The following HIVEP1 variants were observed in gnomAD, a reference collection of about 807,000 sequenced individuals.
HIVEP1 encodes the protein zinc finger protein 40.
In HIVEP1, 36 loss-of-function variants were observed where a neutral mutation model predicts 180.0. The ratio of observed to expected loss-of-function variants is 0.20; its 90% CI spans 0.15 to 0.26. The LOEUF (loss-of-function observed/expected upper bound fraction) is 0.26, where lower values mean the gene tolerates loss of function less well. Ranked by LOEUF, HIVEP1 falls within the 10% of genes least tolerant of loss-of-function variation. The pLI is 1.00. For synonymous variants in HIVEP1, 1,239 were observed against 1,239.0 expected (o/e 1.00, Z 0.00); for missense variants, 3,143 against 3,268.7 (o/e 0.96, Z 0.94).
At chr6:12,197,464 C>CAGG in the HIVEP1 span, among the ~76,000 whole-genome samples, 1 of 147,372 alleles carries the variant, frequency 6.8e-6, no homozygotes, top group South Asian at 2.1e-4. Context: ...GAGGCTGAGA[C>CAGG]AGGAGAATCA....
the HIVEP1 span, among the ~76,000 whole-genome samples, chr6:12,210,102 TA>T: frequency 1.0e-3 from 147 of 143,006 alleles, no homozygotes; most frequent in Non-Finnish European, 8.2e-4. Context: ...GACTCTGTCT[TA>T]AAAAAAAAAA....
At chr6:12,107,403 G>A (rs1390519302) in intron 3 of HIVEP1, among the ~76,000 whole-genome samples, 1 of 152,216 alleles carries the variant, frequency 6.6e-6, no homozygotes, top group Non-Finnish European at 1.5e-5. Context: ...AGAGGGTCTT[G>A]CCTCGATGCA....
the HIVEP1 span, among the ~76,000 whole-genome samples, chr6:12,210,679 G>T: frequency 1.3e-5 from 2 of 152,138 alleles, no homozygotes; most frequent in Non-Finnish European, 2.9e-5. Context: ...TAATTTGAAG[G>T]GGGGAAATGA....
intron 7 of HIVEP1, among the ~76,000 whole-genome samples, chr6:12,156,259 C>A (rs978602790): frequency 2.8e-4 from 42 of 151,972 alleles, no homozygotes; most frequent in African/African-American, 9.7e-4. Flanking sequence ...TTAATTAGAC[C>A]CCATTTGTCA....
intron 7 of HIVEP1, among the ~76,000 whole-genome samples, chr6:12,142,044 T>C (rs1434723736): frequency 6.6e-6 from 1 of 152,178 alleles, no homozygotes; most frequent in Admixed American, 6.5e-5. Flanking sequence ...CTAAGAGACA[T>C]CTACAGAACT....
At position 12,092,327 on chromosome 6, in the gene HIVEP1, A is replaced by G. The variant is rs184671477; in HGVS notation, c.94+3090A>G. ...GAACTTTTAAATGAAACCATATTGTACGTAGTCTTCTGCAGCTTTTTTCAC... is the reference window on the plus strand; with the variant it reads ...GAACTTTTAAATGAAACCATATTGTGCGTAGTCTTCTGCAGCTTTTTTCAC... On this transcript the variant is annotated intron_variant, in intron 3 of 8. Transcript: ENST00000379388. Among the ~76,000 whole-genome samples the G allele has an allele frequency of 5.3e-5, 8 of 152,320 alleles. No individual in the cohort carries two copies. The East Asian group carries it at 1.5e-3, about 29-fold the overall frequency.
At chr6:12,017,321 A>G (rs575699408) in intron 2 of HIVEP1, among the ~76,000 whole-genome samples, 20 of 152,292 alleles carry the variant, frequency 1.3e-4, no homozygotes, top group African/African-American at 4.6e-4. Context: ...TAGCGTGTCC[A>G]CAGGTTGTTC....
intron 7 of HIVEP1, among the ~76,000 whole-genome samples, chr6:12,158,441 T>A (rs1422264647): frequency 6.6e-6 from 1 of 152,224 alleles, no homozygotes; most frequent in Non-Finnish European, 1.5e-5. Flanking sequence ...GTCTTCCTTT[T>A]GCACTATGCC....
chr6:12,065,135 A>G (rs1340731101), intron 2 of HIVEP1, among the ~76,000 whole-genome samples: 1 of 152,366 alleles, frequency 6.6e-6, no homozygotes, highest in South Asian at 2.1e-4. Context: ...TGTGCAATGT[A>G]TAGGGAGGCA....
intron 3 of HIVEP1, among the ~76,000 whole-genome samples, chr6:12,104,206 C>G (rs1367412438): frequency 6.6e-6 from 1 of 152,246 alleles, no homozygotes; most frequent in South Asian, 2.1e-4. Context: ...TAGATTCATG[C>G]ATTTCATTCA....
At position 12,074,369 on chromosome 6, in the gene HIVEP1, C is replaced by T. The variant is rs894513897; in HGVS notation, c.41-14815C>T. ...TACCTACTTTTTAAACTTATTTTTC[C>T]GTATGGCAAAATAAGAATAGTGTGT... On this transcript the variant is annotated intron_variant, in intron 2 of 8. Transcript: ENST00000379388. Among the ~76,000 whole-genome samples, 7 of 151,706 alleles carry T rather than the reference C, an allele frequency of 4.6e-5. 1 individual carries two copies. The highest frequency in any genetic ancestry group is 2.6e-4 in the Admixed American group (4 of 15,220).
At chr6:12,090,762 A>AAG in intron 3 of HIVEP1, among the ~76,000 whole-genome samples, 1 of 82,662 alleles carries the variant, frequency 1.2e-5, no homozygotes, top group Admixed American at 1.4e-4. Flanking sequence ...TTTTTTTTAC[A>AAG]TCTAGTCATG....
chr6:12,045,163 A>G (rs1223137405), intron 2 of HIVEP1, among the ~76,000 whole-genome samples: 1 of 152,152 alleles, frequency 6.6e-6, no homozygotes, highest in African/African-American at 2.4e-5. Flanking sequence ...TCTACTGGGC[A>G]TTTTTATTCA....
In HIVEP1 at chr6:12,119,934, G is replaced by A. The variant is rs1694376533; in HGVS notation, c.139G>A (p.Gly47Ser). Residue 47 changes from glycine (G) to serine (S), a missense_variant, in exon 4 of 9, where the codon GGT (glycine) becomes AGT (serine). By Grantham distance (56) the Gly-to-Ser change is moderately conservative. This residue lies in a region of HIVEP1 where 114 missense variants were observed against 134.5 expected (regional missense o/e 0.85). Transcript: ENST00000379388. ...TAAAGGAACTTCGGAATCCCTTAAA[G>A]GTGTGAAACGCAAAAAGATCGTAGC... ...GVKGTSESLK[G>S]VKRKKIVAEN... The A allele has an allele frequency of 6.3e-7, 1 of 1,596,330 alleles. No homozygotes were observed. Among genetic ancestry groups the A allele is most frequent in the African/African-American group, 1.4e-5 (1 of 73,394 alleles).
intron 7 of HIVEP1, among the ~76,000 whole-genome samples, chr6:12,138,302 A>G (rs775204330): frequency 1.3e-5 from 2 of 152,088 alleles, no homozygotes; most frequent in Non-Finnish European, 2.9e-5. Context: ...TTTTTGGCCA[A>G]TTTGATGGAT....
chr6:12,013,175 A>G (rs1767498252), intron 1 of HIVEP1, among the ~76,000 whole-genome samples: 1 of 149,408 alleles, frequency 6.7e-6, no homozygotes, highest in African/African-American at 2.5e-5. Flanking sequence ...CTCTGCATCC[A>G]CTCCAGGCTC....
At chr6:12,081,894 C>T (rs1221165020) in intron 2 of HIVEP1, among the ~76,000 whole-genome samples, 1 of 152,132 alleles carries the variant, frequency 6.6e-6, no homozygotes, top group Non-Finnish European at 1.5e-5. Flanking sequence ...CAGGCTTCCC[C>T]ATACCCTGCA....
intron 2 of HIVEP1, among the ~76,000 whole-genome samples, chr6:12,057,608 A>C (rs1012228018): frequency 2.0e-5 from 3 of 152,188 alleles, no homozygotes; most frequent in African/African-American, 7.2e-5. Flanking sequence ...ACTGTGTTAT[A>C]GTCTCATGAA....
chr6:12,150,763 T>C (rs1396009516), intron 7 of HIVEP1, among the ~76,000 whole-genome samples: 1 of 152,176 alleles, frequency 6.6e-6, no homozygotes, highest in Admixed American at 6.5e-5. Context: ...CCATTATGTT[T>C]TTAATGATGA....
Sources: gnomAD v4.1 joint callset for allele counts (sites outside exome capture counted in the v4.1 genomes callset) on GRCh38, gnomAD v4.1.1 for gene constraint, gnomAD v4.1.1 regional missense constraint, MANE v1.5 for transcripts, NCBI Gene and HGNC (gene_info 2026-07-23, HGNC 2026-07-21) for gene names.